ELAVL3: variants seen among roughly 807,000 people sequenced by gnomAD.
The protein encoded by ELAVL3 is ELAV like RNA binding protein 3, also known as ELAV-like protein 3.
ELAVL3 carries 8 observed loss-of-function variants against 34.2 expected under a neutral mutation model. The observed-to-expected ratio is 0.23, with a 90% CI of 0.14 to 0.42. The LOEUF (loss-of-function observed/expected upper bound fraction) is 0.42, where lower values mean the gene tolerates loss of function less well. Ranked by LOEUF, ELAVL3 falls within the 10% of genes least tolerant of loss-of-function variation. The pLI is 1.00. For missense variants in ELAVL3, 273 were observed against 518.8 expected (o/e 0.53, Z 4.60); for synonymous variants, 209 against 222.1 (o/e 0.94, Z 0.53).
chr19:11,470,146 G>T (rs1389669109), intron 1 of ELAVL3, among the ~76,000 whole-genome samples: 1 of 152,124 alleles, frequency 6.6e-6, no homozygotes, highest in Non-Finnish European at 1.5e-5. Flanking sequence ...CTGGAGGTCA[G>T]GAGTTCAAGA....
At chr19:11,457,962 C>T in intron 5 of ELAVL3, 99 bp downstream of exon 5, 1 of 1,327,964 alleles carries the variant, frequency 7.5e-7, no homozygotes, top group Non-Finnish European at 1.0e-6. Context: ...TGTGTGCGCA[C>T]CCTCCCGGCA....
At chr19:11,455,934 A>G (rs1007022701) in intron 6 of ELAVL3, among the ~76,000 whole-genome samples, 1 of 152,106 alleles carries the variant, frequency 6.6e-6, no homozygotes, top group Non-Finnish European at 1.5e-5. Flanking sequence ...GGAGGACCCA[A>G]GGGCCTGAAC....
intron 1 of ELAVL3, among the ~76,000 whole-genome samples, chr19:11,467,378 C>T (rs900316657): frequency 1.3e-5 from 2 of 151,770 alleles, no homozygotes; most frequent in Non-Finnish European, 2.9e-5. Context: ...GCCGAGATTG[C>T]GCCATTGCAC....
Position 11,454,958 on chromosome 19 carries a change from C to T in ELAVL3, c.753-81G>A. The T allele has an allele frequency of 9.7e-6, 14 of 1,438,484 alleles. No individual in the cohort carries two copies. Among genetic ancestry groups the T allele is most frequent in the African/African-American group, 1.4e-5 (1 of 70,644 alleles). The allele number at this position is 1,438,484 out of a possible 1,614,324, so 89.1% of individuals were successfully genotyped here. A position where few individuals can be genotyped will look rare whatever the true frequency, so the allele number is the denominator to read the frequency against. On this transcript the variant is annotated intron_variant, in intron 6 of 6. Transcript: ENST00000359227. This position sits in a 1 kb window ranked among gnomAD's most constrained non-coding sequence, Gnocchi z 9.2. Reference sequence around the variant, plus strand: ...TTGTGACCCTTCACACCTTTATGACCCCTGACTGTGCCATGACCTTGGAAT... The same window carrying T: ...TTGTGACCCTTCACACCTTTATGACTCCTGACTGTGCCATGACCTTGGAAT...
At chr19:11,456,869 T>C (rs770232646) in intron 6 of ELAVL3, among the ~76,000 whole-genome samples, 2 of 152,124 alleles carry the variant, frequency 1.3e-5, no homozygotes, top group Admixed American at 6.6e-5. Context: ...CTCACTATGT[T>C]GCCCAGGCTG....
intron 6 of ELAVL3, among the ~76,000 whole-genome samples, chr19:11,455,962 G>A (rs1032142957): frequency 2.0e-5 from 3 of 152,266 alleles, no homozygotes; most frequent in Admixed American, 6.5e-5. Context: ...TCCTGACCAC[G>A]AGGAACAAAC....
chr19:11,480,473 T>A lies in ELAVL3; in HGVS notation c.9+127A>T. 1 of 1,159,556 alleles carries A rather than the reference T, an allele frequency of 8.6e-7. No individual in the cohort carries two copies. Among genetic ancestry groups the A allele is most frequent in the Non-Finnish European group, 1.1e-6 (1 of 879,322 alleles). 71.8% of individuals were successfully genotyped at this position (1,159,556 alleles called of 1,614,324 possible). A position where few individuals can be genotyped will look rare whatever the true frequency, so the allele number is the denominator to read the frequency against. ...ACTCTCAGGCCCCGAGGCTTGGTCC[T>A]ACCCCCCCAACCCGGGCCTAGCTAG... On this transcript the variant is annotated intron_variant, in intron 1 of 6. Transcript: ENST00000359227. The surrounding 1 kb of genome is among the most constrained non-coding windows in gnomAD (Gnocchi z 6.8).
chr19:11,458,317 G>A lies in ELAVL3; in HGVS notation c.488-31C>T, dbSNP rs554613184. On this transcript the variant is annotated intron_variant, in intron 4 of 6. Coordinates refer to ENST00000359227, the MANE Select transcript of ELAVL3 (RefSeq NM_001420.4). This position sits in a 1 kb window ranked among gnomAD's most constrained non-coding sequence, Gnocchi z 7.3. ...AGGGGGCAGGGATGTCCATCACGAC[G>A]ACCCTGTCCCCTCCTGTGTAACCCC... The A allele has an allele frequency of 3.7e-6, 6 of 1,610,270 alleles. No homozygotes were observed. The East Asian group carries it at 1.1e-4, about 30-fold the overall frequency.
At chr19:11,462,248 G>A (rs942469580) in intron 3 of ELAVL3, among the ~76,000 whole-genome samples, 1 of 152,024 alleles carries the variant, frequency 6.6e-6, no homozygotes, top group Non-Finnish European at 1.5e-5. Flanking sequence ...GAGTGAATGG[G>A]GGGCAGGGTC....
intron 3 of ELAVL3, among the ~76,000 whole-genome samples, chr19:11,463,010 C>G (rs996492075): frequency 6.6e-6 from 1 of 150,662 alleles, no homozygotes; most frequent in Admixed American, 6.6e-5. Flanking sequence ...ATGTATTTGA[C>G]AGTTTTCTCT....
chr19:11,452,695 CGTG>C lies in ELAVL3; in HGVS notation c.*1828_*1830del, dbSNP rs1196329598. 6.6e-6 allele frequency: 1 copy of C among 151,232 alleles called. No homozygotes were observed. The highest frequency in any genetic ancestry group is 1.5e-5 in the Non-Finnish European group (1 of 67,908). 9.4% of individuals were successfully genotyped at this position (151,232 alleles called of 1,614,324 possible). A position where few individuals can be genotyped will look rare whatever the true frequency, so the allele number is the denominator to read the frequency against. On this transcript the variant is annotated 3_prime_UTR_variant, in exon 7 of 7. Transcript: ENST00000359227. The stretch of plus-strand genomic sequence containing the variant: ...GGGGGCGCCATAGCCAGACACCAAA[CGTG>C]GGGACACCGGGGGAAGGCAACTTAA...
rs555593342 is a variant in ELAVL3, at chr19:11,469,296, G to C, written c.10-2469C>G. ...TGATTTTCTTTTTTTTGCGCGGGAG[G>C]GGGGACGGAGTTTCGCTCTTGTTGC... On this transcript the variant is annotated intron_variant, in intron 1 of 6. Coordinates refer to ENST00000359227, the MANE Select transcript of ELAVL3 (RefSeq NM_001420.4). Among the ~76,000 whole-genome samples the C allele has an allele frequency of 5.3e-5, 8 of 151,674 alleles. No homozygotes were observed. The South Asian group carries it at 1.0e-3, about 20-fold the overall frequency.
chr19:11,455,335 C>G (rs1054134667), intron 6 of ELAVL3, among the ~76,000 whole-genome samples: 8 of 147,352 alleles, frequency 5.4e-5, no homozygotes, highest in Non-Finnish European at 8.9e-5. Context: ...GGGTCTTGCT[C>G]TGTTGCCCAG....
Position 11,457,153 on chromosome 19 carries a change from G to T in ELAVL3, c.714-5C>A, listed in dbSNP as rs1191807083. ...ATGTTGAGCAAATTGTCCAGCCTGT[G>T]GAGGCAGAGGTGGTGGTCAGAGGTG... is the stretch of plus-strand genomic sequence containing the variant. On this transcript the variant is annotated splice_region_variant and splice_polypyrimidine_tract_variant and intron_variant, in intron 5 of 6. Transcript: ENST00000359227. The T allele has an allele frequency of 6.4e-7, 1 of 1,552,656 alleles. No individual in the cohort carries two copies. Among genetic ancestry groups the T allele is most frequent in the Non-Finnish European group, 8.7e-7 (1 of 1,155,408 alleles).
At chr19:11,465,278 TACACACACACACACCAC>T (rs1568382986) in intron 3 of ELAVL3, among the ~76,000 whole-genome samples, 3 of 91,642 alleles carry the variant, frequency 3.3e-5, no homozygotes, top group African/African-American at 8.2e-5. Context: ...ACCACACACA[TACACACACACACACCAC>T]ACACACACAC....
intron 1 of ELAVL3, among the ~76,000 whole-genome samples, chr19:11,475,611 A>ACTTTTTT (rs1292844188): frequency 7.1e-6 from 1 of 140,050 alleles, no homozygotes; most frequent in East Asian, 2.0e-4. Context: ...GTCACCATCT[A>ACTTTTTT]CTTTTTTTTT....
chr19:11,466,076 G>T lies in ELAVL3; in HGVS notation c.333+96C>A. 1 of 1,097,142 alleles carries T rather than the reference G, an allele frequency of 9.1e-7. No homozygotes were observed. Among genetic ancestry groups the T allele is most frequent in the Non-Finnish European group, 1.4e-6 (1 of 729,602 alleles). The allele number at this position is 1,097,142 out of a possible 1,614,324, so 68.0% of individuals were successfully genotyped here. A position where few individuals can be genotyped will look rare whatever the true frequency, so the allele number is the denominator to read the frequency against. ...TGGGGATGAGTCCTGAAAGGCAGTG[G>T]ACATGGATGCATGGGGGCGGGTAGG... On this transcript the variant is annotated intron_variant, in intron 3 of 6. Transcript: ENST00000359227. This position sits in a 1 kb window ranked among gnomAD's most constrained non-coding sequence, Gnocchi z 5.0.
Position 11,452,723 on chromosome 19 carries a change from A to G in ELAVL3, c.*1803T>C. ...GGGGACACCGGGGGAAGGCAACTTAACTATAGCTAAAGTCGGGGGTTTTGC... is the reference window on the plus strand; with the variant it reads ...GGGGACACCGGGGGAAGGCAACTTAGCTATAGCTAAAGTCGGGGGTTTTGC... On this transcript the variant is annotated 3_prime_UTR_variant, in exon 7 of 7. Coordinates refer to ENST00000359227, the MANE Select transcript of ELAVL3 (RefSeq NM_001420.4). 1 of 151,430 alleles carries G rather than the reference A, an allele frequency of 6.6e-6. No individual in the cohort carries two copies. The highest frequency in any genetic ancestry group is 6.6e-5 in the Admixed American group (1 of 15,210). The allele number at this position is 151,430 out of a possible 1,614,324, so 9.4% of individuals were successfully genotyped here. A position where few individuals can be genotyped will look rare whatever the true frequency, so the allele number is the denominator to read the frequency against.
rs1970822629 is a variant in ELAVL3 at position 11,458,754 on chromosome 19, G to C, written c.334-143C>G. On this transcript the variant is annotated intron_variant, in intron 3 of 6. Transcript: ENST00000359227. This position sits in a 1 kb window ranked among gnomAD's most constrained non-coding sequence, Gnocchi z 7.3. ...TAAGTATCTCTAGAGTTGTCACCGT[G>C]GGGTGGGGCTGAGTCAGATATGGGA... 2 of 1,135,810 alleles carry C rather than the reference G, an allele frequency of 1.8e-6. No individual in the cohort carries two copies. The highest frequency in any genetic ancestry group is 2.5e-6 in the Non-Finnish European group (2 of 804,454). 70.4% of individuals were successfully genotyped at this position (1,135,810 alleles called of 1,614,324 possible).
Sources: gnomAD v4.1 joint callset for allele counts (sites outside exome capture counted in the v4.1 genomes callset) on GRCh38, gnomAD v4.1.1 for gene constraint, Gnocchi (gnomAD v3.1) non-coding constraint, MANE v1.5 for transcripts, NCBI Gene and HGNC (gene_info 2026-07-23, HGNC 2026-07-21) for gene names.